NUP93: variants seen among roughly 807,000 people sequenced by gnomAD.
The protein encoded by NUP93 is nucleoporin 93, also known as nuclear pore complex protein Nup93.
In NUP93, 55 loss-of-function variants were observed where a neutral mutation model predicts 107.8. The ratio of observed to expected loss-of-function variants is 0.51; its 90% CI spans 0.41 to 0.64. The LOEUF is 0.64. Ranked by LOEUF, NUP93 falls within the 30% of genes least tolerant of loss-of-function variation. NUP93 has a pLI of 0.00. For missense variants in NUP93, 937 were observed against 1,044.7 expected (o/e 0.90, Z 1.42); for synonymous variants, 390 against 397.5 (o/e 0.98, Z 0.22).
chr16:56,736,575 G>A (rs977391895), intron 1 of NUP93, among the ~76,000 whole-genome samples: 3 of 152,214 alleles, frequency 2.0e-5, no homozygotes, highest in Admixed American at 2.0e-4. Flanking sequence ...GAGATGCAAA[G>A]GAACAGGGTG....
chr16:56,733,949 T>A (rs1597097852), intron 1 of NUP93, among the ~76,000 whole-genome samples: 3 of 152,372 alleles, frequency 2.0e-5, no homozygotes, highest in Admixed American at 2.0e-4. Flanking sequence ...TACATTGATC[T>A]GTTAGGTACA....
At chr16:56,761,510 C>T (rs1288108978) in intron 3 of NUP93, among the ~76,000 whole-genome samples, 1 of 151,402 alleles carries the variant, frequency 6.6e-6, no homozygotes, top group Admixed American at 6.6e-5. Flanking sequence ...AATTCACATA[C>T]CATAAATGTG....
intron 1 of NUP93, among the ~76,000 whole-genome samples, chr16:56,735,294 C>G (rs1416158990): frequency 6.6e-6 from 1 of 152,134 alleles, no homozygotes; most frequent in Non-Finnish European, 1.5e-5. Context: ...TTAATTTGCC[C>G]AAAGTCATCG....
intron 4 of NUP93, among the ~76,000 whole-genome samples, chr16:56,798,950 A>G (rs558791830): frequency 5.7e-4 from 87 of 151,934 alleles, no homozygotes; most frequent in Middle Eastern, 3.4e-3. Flanking sequence ...AATCTATCCT[A>G]TGCCCAGTTC....
chr16:56,766,797 G>T (rs1402754099), intron 3 of NUP93, among the ~76,000 whole-genome samples: 1 of 152,192 alleles, frequency 6.6e-6, no homozygotes, highest in Admixed American at 6.5e-5. Flanking sequence ...AAAAATCCAT[G>T]ATCTGCGATG....
At chr16:56,803,257 G>C (rs560118994) in intron 4 of NUP93, among the ~76,000 whole-genome samples, 4 of 152,058 alleles carry the variant, frequency 2.6e-5, no homozygotes, top group African/African-American at 9.7e-5. Context: ...TCAGGAGTTC[G>C]AGACCAGCCT....
rs2144609751 is a variant in NUP93, at chr16:56,821,539, C to T, written c.600C>T (p.His200=). The stretch of plus-strand genomic sequence containing the variant: ...ATAATGAGAAAATTGTAAATGGACA[C>T]CTGCAGCCTAACCTGGTGGACCTTT... ...YIYNEKIVNG[H]LQPNLVDLCA... Residue 200 remains histidine, a synonymous_variant, in exon 7 of 22, where the codon CAC becomes CAT. Transcript: ENST00000308159. The T allele has an allele frequency of 1.2e-6, 2 of 1,613,176 alleles. No individual in the cohort carries two copies. Among genetic ancestry groups the T allele is most frequent in the Non-Finnish European group, 1.7e-6 (2 of 1,179,258 alleles).
rs531518425 is a variant in NUP93 at position 56,789,932 on chromosome 16, C to T, written c.298-8544C>T. The stretch of plus-strand genomic sequence containing the variant: ...TGGCCAACATGATGAAAACCCGTCT[C>T]TACTAAAGCAGAAAATTAGCTGGGC... On this transcript the variant is annotated intron_variant, in intron 3 of 21. Coordinates refer to ENST00000308159, the MANE Select transcript of NUP93 (RefSeq NM_014669.5). Among the ~76,000 whole-genome samples the T allele has an allele frequency of 2.0e-5, 3 of 152,224 alleles. No homozygotes were observed. In the South Asian group the frequency reaches 6.2e-4, roughly 32 times the overall value.
chr16:56,751,152 A>T (rs537025661), intron 2 of NUP93, among the ~76,000 whole-genome samples: 1 of 152,162 alleles, frequency 6.6e-6, no homozygotes, highest in East Asian at 1.9e-4. Flanking sequence ...TTTCCATTCA[A>T]ACTGAAATCA....
At chr16:56,818,437 A>G (rs959587734) in intron 5 of NUP93, among the ~76,000 whole-genome samples, 3 of 152,004 alleles carry the variant, frequency 2.0e-5, no homozygotes, top group Non-Finnish European at 4.4e-5. Context: ...GCAGCCCCTC[A>G]CTCTTTTTTA....
At chr16:56,787,817 CAT>C (rs1476939377) in intron 3 of NUP93, among the ~76,000 whole-genome samples, 9 of 152,140 alleles carry the variant, frequency 5.9e-5, no homozygotes, top group South Asian at 2.1e-4. Flanking sequence ...TCCCTGAAGA[CAT>C]ATTGAAACAT....
intron 3 of NUP93, among the ~76,000 whole-genome samples, chr16:56,790,957 A>G (rs1397436159): frequency 6.6e-6 from 1 of 152,170 alleles, no homozygotes; most frequent in Non-Finnish European, 1.5e-5. Context: ...AACAATGACC[A>G]TTCCTGATGC....
intron 8 of NUP93, among the ~76,000 whole-genome samples, chr16:56,826,766 G>A (rs577084320): frequency 1.3e-5 from 2 of 151,092 alleles, no homozygotes; most frequent in East Asian, 1.9e-4. Flanking sequence ...TCATTGAGTC[G>A]GCTGGGTGCA....
intron 1 of NUP93, among the ~76,000 whole-genome samples, chr16:56,736,583 G>A (rs777912239): frequency 6.6e-6 from 1 of 152,298 alleles, no homozygotes; most frequent in Non-Finnish European, 1.5e-5. Flanking sequence ...AAGGAACAGG[G>A]TGAGTTAGAA....
At chr16:56,832,110 C>T (rs1218929829) in intron 11 of NUP93, 103 bp downstream of exon 11, 1 of 1,425,726 alleles carries the variant, frequency 7.0e-7, no homozygotes, top group African/African-American at 1.4e-5. Context: ...ATACAGTGAT[C>T]AGGACCAGTG....
intron 3 of NUP93, among the ~76,000 whole-genome samples, chr16:56,776,978 G>A (rs1962426504): frequency 6.6e-6 from 1 of 152,158 alleles, no homozygotes; most frequent in Admixed American, 6.5e-5. Context: ...TGTTCCCTCT[G>A]TCTAAATACC....
In NUP93 at chr16:56,739,349, A is replaced by AC. The variant is rs1326900717; in HGVS notation, c.-14-8877dup. Among the ~76,000 whole-genome samples, 97 of 30,480 alleles carry AC rather than the reference A, an allele frequency of 3.2e-3. 1 individual carries two copies. Among genetic ancestry groups the AC allele is most frequent in the East Asian group, 0.012 (15 of 1,250 alleles). The allele number at this position is 30,480 out of a possible 152,430, so 20.0% of individuals were successfully genotyped here. A position where few individuals can be genotyped will look rare whatever the true frequency, so the allele number is the denominator to read the frequency against. On this transcript the variant is annotated intron_variant, in intron 1 of 21. Transcript: ENST00000308159. ...GGCGGCTGGCCGGGCAGGGGGGCTG[A>AC]CCCCCCCCACCTCCCTCCCGGACGG...
chr16:56,758,468 T>C, intron 2 of NUP93, 70 bp from the exon 3 acceptor site: 1 of 1,112,468 alleles, frequency 9.0e-7, no homozygotes, highest in Non-Finnish European at 1.4e-6. Context: ...TGATGAAGCA[T>C]ATTAGATGTC....
At chr16:56,821,474 T>C (rs747937928) in intron 6 of NUP93, 30 bp from the exon 7 acceptor site, 6 of 1,405,636 alleles carry the variant, frequency 4.3e-6, no homozygotes, top group Non-Finnish European at 6.1e-6. Flanking sequence ...ATAGATACTT[T>C]GCCATTTACT....
Sources: gnomAD v4.1 joint callset for allele counts (sites outside exome capture counted in the v4.1 genomes callset) on GRCh38, gnomAD v4.1.1 for gene constraint, MANE v1.5 for transcripts, NCBI Gene and HGNC (gene_info 2026-07-23, HGNC 2026-07-21) for gene names.